The following SNTB1 variants were observed in gnomAD, a reference collection of about 807,000 sequenced individuals.
SNTB1 encodes the protein syntrophin beta 1.
Under a neutral mutation model 48.9 loss-of-function variants are expected in SNTB1, and 36 were observed. The ratio of observed to expected loss-of-function variants is 0.74; its 90% CI spans 0.56 to 0.97. The LOEUF (loss-of-function observed/expected upper bound fraction) is 0.97, where lower values mean the gene tolerates loss of function less well. Ranked by LOEUF, SNTB1 falls within the 50% of genes least tolerant of loss-of-function variation. The probability of loss-of-function intolerance (pLI) is 0.00; values close to 1 mark genes in which losing one functional copy is unlikely to be tolerated. For missense variants in SNTB1, 786 were observed against 703.4 expected (o/e 1.12, Z -1.33); for synonymous variants, 299 against 294.6 (o/e 1.01, Z -0.15).
At chr8:120,683,182 G>A (rs371091753) in intron 2 of SNTB1, among the ~76,000 whole-genome samples, 4 of 152,062 alleles carry the variant, frequency 2.6e-5, no homozygotes, top group Non-Finnish European at 4.4e-5. Context: ...CACCCGGCCT[G>A]TTTTTAGTTT....
intron 5 of SNTB1, among the ~76,000 whole-genome samples, chr8:120,545,925 T>C (rs1345770475): frequency 6.6e-6 from 1 of 152,250 alleles, no homozygotes; most frequent in African/African-American, 2.4e-5. Context: ...CTGTTATTCC[T>C]ATTAAACCTA....
At chr8:120,801,394 C>G (rs2130178886) in intron 1 of SNTB1, among the ~76,000 whole-genome samples, 1 of 152,116 alleles carries the variant, frequency 6.6e-6, no homozygotes. Flanking sequence ...ACATTCACTC[C>G]TTTATAATTT....
At chr8:120,613,023 AT>A (rs1427431073) in intron 3 of SNTB1, among the ~76,000 whole-genome samples, 1 of 152,146 alleles carries the variant, frequency 6.6e-6, no homozygotes, top group Non-Finnish European at 1.5e-5. Context: ...GAAGAAAAAT[AT>A]TGCATTTTCT....
At chr8:120,796,688 G>T (rs1462369210) in intron 1 of SNTB1, among the ~76,000 whole-genome samples, 1 of 151,922 alleles carries the variant, frequency 6.6e-6, no homozygotes, top group Non-Finnish European at 1.5e-5. Context: ...ATGAAAATAG[G>T]CAGGGGCAGA....
At chr8:120,550,344 C>A (rs769820781) in intron 4 of SNTB1, among the ~76,000 whole-genome samples, 1 of 151,892 alleles carries the variant, frequency 6.6e-6, no homozygotes, top group Non-Finnish European at 1.5e-5. Context: ...AAGTTTGAGA[C>A]CAGCCTGGCC....
At chr8:120,798,355 G>C (rs1820157476) in intron 1 of SNTB1, among the ~76,000 whole-genome samples, 1 of 151,930 alleles carries the variant, frequency 6.6e-6, no homozygotes, top group Non-Finnish European at 1.5e-5. Flanking sequence ...TCTCAACTGG[G>C]GACTTTTTGC....
At chr8:120,688,893 G>A (rs1045949950) in intron 2 of SNTB1, among the ~76,000 whole-genome samples, 4 of 151,886 alleles carry the variant, frequency 2.6e-5, no homozygotes, top group South Asian at 2.1e-4. Flanking sequence ...TAGAGTAGAC[G>A]GTGGGAAATG....
intron 1 of SNTB1, among the ~76,000 whole-genome samples, chr8:120,715,359 T>C (rs967062710): frequency 3.9e-5 from 6 of 152,250 alleles, no homozygotes; most frequent in Non-Finnish European, 8.8e-5. Context: ...GTGGAATTTA[T>C]ATTTTATTTT....
At chr8:120,754,730 G>A (rs1439670586) in intron 1 of SNTB1, among the ~76,000 whole-genome samples, 1 of 152,154 alleles carries the variant, frequency 6.6e-6, no homozygotes, top group African/African-American at 2.4e-5. Context: ...TGGTTTGAAG[G>A]CCAGTCCTTC....
At chr8:120,803,827 A>G (rs757557093) in intron 1 of SNTB1, among the ~76,000 whole-genome samples, 8 of 152,212 alleles carry the variant, frequency 5.3e-5, no homozygotes, top group Admixed American at 5.2e-4. Flanking sequence ...GACAGTTTTC[A>G]TCTCCTCAGG....
At chr8:120,715,880 C>T (rs1818547215) in intron 1 of SNTB1, among the ~76,000 whole-genome samples, 1 of 152,170 alleles carries the variant, frequency 6.6e-6, no homozygotes. Flanking sequence ...AAACCTCTAA[C>T]TCATCAGGGA....
intron 4 of SNTB1, among the ~76,000 whole-genome samples, chr8:120,567,515 G>A (rs1586998967): frequency 6.6e-6 from 1 of 151,634 alleles, no homozygotes; most frequent in African/African-American, 2.4e-5. Flanking sequence ...TGATCTCCTG[G>A]GATCAAGCAA....
chr8:120,699,732 T>C (rs1818273572), intron 1 of SNTB1, among the ~76,000 whole-genome samples: 1 of 152,138 alleles, frequency 6.6e-6, no homozygotes, highest in Non-Finnish European at 1.5e-5. Flanking sequence ...AGGTGGAAAA[T>C]AAATTTTTTC....
intron 1 of SNTB1, among the ~76,000 whole-genome samples, chr8:120,794,459 T>A (rs1820088318): frequency 6.6e-6 from 1 of 151,696 alleles, no homozygotes; most frequent in South Asian, 2.1e-4. Context: ...ATTCAATATA[T>A]CAGTAGTGTA....
At chr8:120,778,637 T>C (rs1054530584) in intron 1 of SNTB1, among the ~76,000 whole-genome samples, 2 of 152,198 alleles carry the variant, frequency 1.3e-5, no homozygotes, top group African/African-American at 2.4e-5. Flanking sequence ...AATTCAAACA[T>C]GGATTGATTT....
chr8:120,612,957 T>C (rs1222649792), intron 3 of SNTB1, among the ~76,000 whole-genome samples: 1 of 152,158 alleles, frequency 6.6e-6, no homozygotes, highest in African/African-American at 2.4e-5. Flanking sequence ...TTGTTAACTA[T>C]AGTCACTCAG....
intron 3 of SNTB1, among the ~76,000 whole-genome samples, chr8:120,629,103 T>G (rs1816937033): frequency 6.6e-6 from 1 of 152,142 alleles, no homozygotes; most frequent in Non-Finnish European, 1.5e-5. Context: ...TTCCCCTGAC[T>G]CCCCCAACAA....
At chr8:120,721,934 T>C (rs1818667599) in intron 1 of SNTB1, among the ~76,000 whole-genome samples, 2 of 110,838 alleles carry the variant, frequency 1.8e-5, no homozygotes, top group African/African-American at 7.0e-5. Flanking sequence ...TTCCCCACCC[T>C]GTGACCAAGT....
chr8:120,634,049 T>C (rs1425417977), intron 2 of SNTB1, among the ~76,000 whole-genome samples: 2 of 152,162 alleles, frequency 1.3e-5, no homozygotes, highest in South Asian at 2.1e-4. Flanking sequence ...TTTTTAGTCA[T>C]GTGTTCCCCC....
Sources: allele counts gnomAD v4.1 joint callset (sites outside exome capture counted in the v4.1 genomes callset), GRCh38; gene constraint gnomAD v4.1.1; transcripts MANE v1.5; gene names NCBI Gene and HGNC (gene_info 2026-07-23, HGNC 2026-07-21).